Variants in ZBTB25 observed in about 807,000 individuals in gnomAD.
The protein encoded by ZBTB25 is zinc finger and BTB domain-containing protein 25.
Under a neutral mutation model 34.2 loss-of-function variants are expected in ZBTB25, and 20 were observed. The observed-to-expected ratio is 0.58, with a 90% CI of 0.41 to 0.85. ZBTB25 has a LOEUF of 0.85. Among genes scored for constraint, ZBTB25 ranks in the 40% least tolerant of loss-of-function variants. The pLI is 0.00. For synonymous variants in ZBTB25, 175 were observed against 186.4 expected (o/e 0.94, Z 0.50); for missense variants, 437 against 521.8 (o/e 0.84, Z 1.58).
downstream of ZBTB25, among the ~76,000 whole-genome samples, chr14:64,476,035 G>A (rs889210640): frequency 1.3e-5 from 2 of 152,160 alleles, no homozygotes; most frequent in African/African-American, 4.8e-5. Flanking sequence ...TGGGAGATAG[G>A]AAACAAAAGG....
In ZBTB25 at chr14:64,484,255, C is replaced by T. The variant is rs10136732; in HGVS notation, c.*2668G>A. 0.24 allele frequency: 36,418 copies of T among 152,180 alleles called. 5,141 individuals are homozygous for T. Among genetic ancestry groups the T allele is most frequent in the East Asian group, 0.41 (2,144 of 5,180 alleles). The allele number at this position is 152,180 out of a possible 1,614,324, so 9.4% of individuals were successfully genotyped here. On this transcript the variant is annotated 3_prime_UTR_variant, in exon 3 of 3. Transcript: ENST00000608382. ...TGCTTTAAATGAGTGTTGTCTATCA[C>T]GGCCAATCAGCTGCTAGCAAACTCT...
chr14:64,464,678 A>G (rs2078591634), intron 2 of ZBTB25, among the ~76,000 whole-genome samples: 1 of 152,120 alleles, frequency 6.6e-6, no homozygotes, highest in African/African-American at 2.4e-5. Context: ...GGAGGCTGGG[A>G]TTGTGATGGA....
chr14:64,469,619 G>T, intron 2 of ZBTB25: 1 of 1,608,734 alleles, frequency 6.2e-7, no homozygotes, highest in Non-Finnish European at 8.5e-7. Context: ...GTTGTCAATA[G>T]AACAGCTGGT....
At chr14:64,458,372 C>A in intron 2 of ZBTB25, 2 of 1,008,586 alleles carry the variant, frequency 2.0e-6, no homozygotes, top group Non-Finnish European at 3.2e-6. Context: ...AATTATAGGG[C>A]TCAAACTGAC....
rs1049228441 is a variant in ZBTB25, at chr14:64,483,036, C to G, written c.*3887G>C. Reference sequence around the variant, plus strand: ...GATGATACGCTAATAAGAACAAATACTAAAACAGTCTCTATTTTTCTCCAG... The same window carrying G: ...GATGATACGCTAATAAGAACAAATAGTAAAACAGTCTCTATTTTTCTCCAG... On this transcript the variant is annotated 3_prime_UTR_variant, in exon 3 of 3. Coordinates refer to ENST00000608382, the MANE Select transcript of ZBTB25 (RefSeq NM_006977.5). 18 of 152,264 alleles carry G rather than the reference C, an allele frequency of 1.2e-4. No homozygotes were observed. The highest frequency in any genetic ancestry group is 3.6e-4 in the African/African-American group (15 of 41,564). The allele number at this position is 152,264 out of a possible 1,614,324, so 9.4% of individuals were successfully genotyped here. A position where few individuals can be genotyped will look rare whatever the true frequency, so the allele number is the denominator to read the frequency against.
chr14:64,450,090 A>G (rs1040748677), intron 2 of ZBTB25, among the ~76,000 whole-genome samples: 1 of 152,236 alleles, frequency 6.6e-6, no homozygotes, highest in Non-Finnish European at 1.5e-5. Context: ...GCGTCCGCCC[A>G]GACAGCCTTC....
intron 2 of ZBTB25, among the ~76,000 whole-genome samples, chr14:64,452,078 C>T (rs1212066635): frequency 1.3e-5 from 2 of 152,112 alleles, no homozygotes; most frequent in Admixed American, 1.3e-4. Context: ...GGTGGATCAC[C>T]TAAGGTCAGG....
chr14:64,461,562 C>G (rs1357201769), intron 2 of ZBTB25: 1 of 103,266 alleles, frequency 9.7e-6, no homozygotes, highest in Non-Finnish European at 1.9e-5. Flanking sequence ...GCTTCTGGTA[C>G]TTTTTTTTTC....
At chr14:64,504,742 C>A (rs1406444643), upstream of ZBTB25, 2 of 373,818 alleles carry the variant, frequency 5.4e-6, no homozygotes, top group Non-Finnish European at 9.5e-6. Flanking sequence ...GTGCGGCAGG[C>A]GCGGCTGTGC....
At chr14:64,503,197 GTCT>G in intron 1 of ZBTB25, 2 of 985,500 alleles carry the variant, frequency 2.0e-6, no homozygotes, top group Non-Finnish European at 2.4e-6. Flanking sequence ...AGGGGGGGAT[GTCT>G]TCTTGCCCTA....
In ZBTB25 at chr14:64,485,602, A is replaced by G. The variant is rs2078849555; in HGVS notation, c.*1321T>C. ...GATTTATAGAGGAAAAGCTAACATC[A>G]TGGATCTTAAATGTAGTTATAGAAC... On this transcript the variant is annotated 3_prime_UTR_variant, in exon 3 of 3. Coordinates refer to ENST00000608382, the MANE Select transcript of ZBTB25 (RefSeq NM_006977.5). 5.1e-6 allele frequency: 5 copies of G among 985,234 alleles called. No individual in the cohort carries two copies. Among genetic ancestry groups the G allele is most frequent in the Non-Finnish European group, 6.0e-6 (5 of 829,882 alleles). The allele number at this position is 985,234 out of a possible 1,614,324, so 61.0% of individuals were successfully genotyped here. A position where few individuals can be genotyped will look rare whatever the true frequency, so the allele number is the denominator to read the frequency against.
Position 64,486,942 on chromosome 14 carries a change from T to G in ZBTB25, c.1289A>C (p.Asp430Ala). The change falls in exon 3 of 3, where the codon GAT becomes GCT. Residue 430 changes from aspartate (D) to alanine (A), a missense_variant. By Grantham distance (126) the Asp-to-Ala change is moderately radical. Coordinates refer to ENST00000608382, the MANE Select transcript of ZBTB25 (RefSeq NM_006977.5). Reference protein sequence around the residue: ...LESELTQENVDTILVE With the variant: ...LESELTQENVATILVE ...AAGCTGCTACTCAACTAGGATAGTA[T>G]CCACATTTTCTTGTGTGAGCTCTGA... 1 of 1,610,446 alleles carries G rather than the reference T, an allele frequency of 6.2e-7. No individual in the cohort carries two copies. Among genetic ancestry groups the G allele is most frequent in the Non-Finnish European group, 8.5e-7 (1 of 1,178,422 alleles).
At chr14:64,502,683 G>C (rs1214316002) in intron 1 of ZBTB25, 1 of 985,540 alleles carries the variant, frequency 1.0e-6, no homozygotes, top group South Asian at 4.7e-5. Context: ...ACAGGTGAGT[G>C]GGGTAAACTG....
upstream of ZBTB25, chr14:64,505,002 C>G (rs1357611509): frequency 2.6e-6 from 1 of 389,514 alleles, no homozygotes; most frequent in Non-Finnish European, 4.5e-6. Context: ...GGCCGGAGGG[C>G]GACGGGCCGC....
At chr14:64,497,584 A>G (rs559748834) in intron 1 of ZBTB25, among the ~76,000 whole-genome samples, 1 of 152,344 alleles carries the variant, frequency 6.6e-6, no homozygotes, top group South Asian at 2.1e-4. Context: ...ATACATTATC[A>G]TAATAGTTTT....
chr14:64,461,220 G>A (rs2078550616), intron 2 of ZBTB25: 1 of 152,006 alleles, frequency 6.6e-6, no homozygotes, highest in African/African-American at 2.4e-5. Context: ...CAGTGACCTT[G>A]GTTTTATTAT....
chr14:64,497,566 TC>T (rs2079320316), intron 1 of ZBTB25, among the ~76,000 whole-genome samples: 1 of 152,210 alleles, frequency 6.6e-6, no homozygotes, highest in Non-Finnish European at 1.5e-5. Context: ...TTATCTGTTA[TC>T]AAAGTGATAC....
chr14:64,488,073 A>G lies in ZBTB25; in HGVS notation c.174-16T>C, dbSNP rs752447841. 8.7e-6 allele frequency: 14 copies of G among 1,603,312 alleles called. No individual in the cohort carries two copies. The highest frequency in any genetic ancestry group is 1.2e-5 in the Non-Finnish European group (14 of 1,173,616). ...TATGCATTCACTGTTAAAAACAAAA[A>G]CAGACCCACAAGAAATGAAACACAA... On this transcript the variant is annotated splice_polypyrimidine_tract_variant and intron_variant, in intron 2 of 2. Transcript: ENST00000608382.
At position 64,487,103 on chromosome 14, in the gene ZBTB25, G is replaced by A. The variant is rs2078889924; in HGVS notation, c.1128C>T (p.Tyr376=). The change falls in exon 3 of 3, where the codon TAC becomes TAT. Residue 376 remains tyrosine, a synonymous_variant. Transcript: ENST00000608382. ...EHMYTHKGKS[Y]RYNRCQRFGN... is the part of the protein sequence containing the mutation. ...CAAACCTTTGGCATCGGTTATATCT[G>A]TAAGATTTACCTTTGTGTGTATACA... 2 of 1,614,152 alleles carry A rather than the reference G, an allele frequency of 1.2e-6. No homozygotes were observed. The highest frequency in any genetic ancestry group is 1.7e-6 in the Non-Finnish European group (2 of 1,179,984).
Sources: gnomAD v4.1 joint callset for allele counts (sites outside exome capture counted in the v4.1 genomes callset) on GRCh38, gnomAD v4.1.1 for gene constraint, MANE v1.5 for transcripts, NCBI Gene and HGNC (gene_info 2026-07-23, HGNC 2026-07-21) for gene names.